The following BTD variants were observed in gnomAD, a reference collection of about 807,000 sequenced individuals.
The protein encoded by BTD is biotinidase.
Under a neutral mutation model 17.7 loss-of-function variants are expected in BTD, and 13 were observed. The ratio of observed to expected loss-of-function variants is 0.74; its 90% CI spans 0.48 to 1.17. BTD has a LOEUF of 1.17. BTD is among the 50% of genes most tolerant of loss of function. The pLI is 0.00. For synonymous variants in BTD, 240 were observed against 245.2 expected (o/e 0.98, Z 0.20); for missense variants, 674 against 650.4 (o/e 1.04, Z -0.39).
chr3:15,655,525 A>G (rs1215539813), downstream of BTD, among the ~76,000 whole-genome samples: 2 of 152,200 alleles, frequency 1.3e-5, no homozygotes, highest in Non-Finnish European at 2.9e-5. Context: ...CATAAAAAAT[A>G]AGAAGTGAAA....
At chr3:15,678,288 A>G (rs1185963362) in intron 3 of BTD, 3 of 1,613,118 alleles carry the variant, frequency 1.9e-6, no homozygotes, top group African/African-American at 1.3e-5. Context: ...TGACTTGAGC[A>G]TTATGGCTGA....
At chr3:15,602,281 G>A (rs2064286214) in intron 1 of BTD, 1 of 1,199,948 alleles carries the variant, frequency 8.3e-7, no homozygotes, top group South Asian at 2.4e-5. Flanking sequence ...CAGCCATTGG[G>A]TCACAAGCGA....
chr3:15,608,195 T>A (rs1480174721), intron 1 of BTD, among the ~76,000 whole-genome samples: 1 of 152,234 alleles, frequency 6.6e-6, no homozygotes, highest in Non-Finnish European at 1.5e-5. Context: ...GTGCCTTTAC[T>A]CTACATTTTA....
intron 1 of BTD, among the ~76,000 whole-genome samples, chr3:15,619,355 C>G (rs1415895704): frequency 1.3e-5 from 2 of 152,218 alleles, no homozygotes; most frequent in African/African-American, 4.8e-5. Context: ...GGGTATCACT[C>G]TGTCACACCA....
chr3:15,610,785 A>G (rs2064597581), intron 1 of BTD, among the ~76,000 whole-genome samples: 1 of 152,216 alleles, frequency 6.6e-6, no homozygotes, highest in Admixed American at 6.5e-5. Flanking sequence ...AGGAACCTTT[A>G]GATTAAAAGA....
chr3:15,660,803 C>A (rs955954879), intron 3 of BTD, among the ~76,000 whole-genome samples: 1 of 152,146 alleles, frequency 6.6e-6, no homozygotes, highest in Non-Finnish European at 1.5e-5. Context: ...CCCTGGCAAC[C>A]GCTGATCTTT....
chr3:15,684,778 A>T, intron 3 of BTD: 1 of 167,690 alleles, frequency 6.0e-6, no homozygotes, highest in South Asian at 1.5e-4. Flanking sequence ...AAAGCAATGG[A>T]AACATTCTAA....
At chr3:15,709,529 C>T (rs2126043590) in intron 3 of BTD, 1 of 536,148 alleles carries the variant, frequency 1.9e-6, no homozygotes, top group African/African-American at 2.0e-5. Context: ...AAGTTACTGA[C>T]TTCAGCTGGG....
chr3:15,639,763 T>C (rs558479969), intron 2 of BTD, among the ~76,000 whole-genome samples: 3 of 152,302 alleles, frequency 2.0e-5, no homozygotes, highest in Middle Eastern at 3.4e-3. Context: ...GGAACATACA[T>C]TGGTATAGTA....
intron 4 of BTD, among the ~76,000 whole-genome samples, chr3:15,719,920 G>A (rs909524651): frequency 6.6e-6 from 1 of 151,948 alleles, no homozygotes; most frequent in African/African-American, 2.4e-5. Flanking sequence ...ACCCAGGCTG[G>A]AGGGCAGTAG....
At chr3:15,721,092 A>G (rs2073674580) in intron 4 of BTD, 1 of 1,613,714 alleles carries the variant, frequency 6.2e-7, no homozygotes, top group Admixed American at 1.7e-5. Flanking sequence ...AGGCTACATG[A>G]AGAGGTGTAT....
At chr3:15,694,392 C>A (rs1260699892) in intron 3 of BTD, among the ~76,000 whole-genome samples, 1 of 152,086 alleles carries the variant, frequency 6.6e-6, no homozygotes, top group Non-Finnish European at 1.5e-5. Flanking sequence ...ATCTGCTTAG[C>A]CAACTTATAA....
At chr3:15,679,320 C>A (rs1236695609) in intron 3 of BTD, 4 of 1,613,762 alleles carry the variant, frequency 2.5e-6, no homozygotes, top group Non-Finnish European at 1.7e-6. Flanking sequence ...GAATCTGTGG[C>A]GTTCACAATG....
intron 1 of BTD, among the ~76,000 whole-genome samples, chr3:15,630,359 ATCAG>A: frequency 6.6e-6 from 1 of 152,352 alleles, no homozygotes; most frequent in Admixed American, 6.5e-5. Context: ...CTGTCTGAGA[ATCAG>A]TCTCAGCCGG....
At chr3:15,692,551 T>A (rs754450076) in intron 3 of BTD, among the ~76,000 whole-genome samples, 5 of 152,216 alleles carry the variant, frequency 3.3e-5, no homozygotes, top group African/African-American at 4.8e-5. Flanking sequence ...GATATCCTTG[T>A]ATGGGACTGA....
chr3:15,715,984 T>C (rs1008437429), downstream of BTD, among the ~76,000 whole-genome samples: 3 of 151,894 alleles, frequency 2.0e-5, no homozygotes, highest in Non-Finnish European at 4.4e-5. Context: ...CTATGGCCTT[T>C]TTTTTCTCTC....
intron 1 of BTD, among the ~76,000 whole-genome samples, chr3:15,620,124 G>A (rs1319087449): frequency 6.6e-6 from 1 of 152,154 alleles, no homozygotes; most frequent in African/African-American, 2.4e-5. Context: ...GTTCAGCGGT[G>A]CACATATTGT....
chr3:15,716,240 C>G (rs1388207663), downstream of BTD, among the ~76,000 whole-genome samples: 2 of 151,410 alleles, frequency 1.3e-5, no homozygotes, highest in African/African-American at 4.8e-5. Flanking sequence ...CCTCGGCCTC[C>G]CAAAGTGCTA....
At chr3:15,664,988 CAT>C (rs981282737) in intron 3 of BTD, among the ~76,000 whole-genome samples, 10 of 152,224 alleles carry the variant, frequency 6.6e-5, no homozygotes, top group African/African-American at 1.2e-4. Context: ...CAAACCTGCA[CAT>C]GTTCCCTTGA....
Sources: gnomAD v4.1 joint callset for allele counts (sites outside exome capture counted in the v4.1 genomes callset) on GRCh38, gnomAD v4.1.1 for gene constraint, MANE v1.5 for transcripts, NCBI Gene and HGNC (gene_info 2026-07-23, HGNC 2026-07-21) for gene names.